The following ARHGAP10 variants were observed in gnomAD, a reference collection of about 807,000 sequenced individuals.
ARHGAP10 encodes Rho GTPase activating protein 10.
In ARHGAP10, 87 loss-of-function variants were observed where a neutral mutation model predicts 108.6. The observed-to-expected ratio is 0.80, with a 90% CI of 0.67 to 0.96. The LOEUF (loss-of-function observed/expected upper bound fraction) is 0.96, where lower values mean the gene tolerates loss of function less well. ARHGAP10 is among the 40% of genes least tolerant of loss of function. The pLI, the probability that ARHGAP10 is intolerant of heterozygous loss-of-function variation, is 0.00. For synonymous variants in ARHGAP10, 347 were observed against 341.1 expected (o/e 1.02, Z -0.19); for missense variants, 939 against 954.5 (o/e 0.98, Z 0.21).
intron 1 of ARHGAP10, among the ~76,000 whole-genome samples, chr4:147,773,764 C>T (rs1369564742): frequency 6.6e-6 from 1 of 152,194 alleles, no homozygotes; most frequent in Non-Finnish European, 1.5e-5. Context: ...GATTCTCTAC[C>T]TTGGTTCTTT....
rs545302843 is a variant in ARHGAP10 at position 148,012,242 on chromosome 4, T to C, written c.1717-11021T>C. Among the ~76,000 whole-genome samples, 4 of 152,348 alleles carry C rather than the reference T, an allele frequency of 2.6e-5. No individual in the cohort carries two copies. In the South Asian group the frequency reaches 6.2e-4, roughly 24 times the overall value. ...CTGGTCCAAGGCCTAAGTGAAGTGA[T>C]ACCCATTGAGAGAACTCTCCCCCTG... is the stretch of plus-strand genomic sequence containing the variant. On this transcript the variant is annotated intron_variant, in intron 18 of 22. Transcript: ENST00000336498.
rs548772428 is a variant in ARHGAP10 at position 148,029,570 on chromosome 4, G to T, written c.1867+6157G>T. 2.0e-5 allele frequency among the ~76,000 whole-genome samples: 3 copies of T among 152,294 alleles called. No homozygotes were observed. In the South Asian group the frequency reaches 6.2e-4, roughly 32 times the overall value. On this transcript the variant is annotated intron_variant, in intron 19 of 22. Coordinates refer to ENST00000336498, the MANE Select transcript of ARHGAP10 (RefSeq NM_024605.4). ...TATAGATGTTTCCTTGTAAACATGT[G>T]ATCAGCTTGATGCAGATTATAATCA...
intron 1 of ARHGAP10, among the ~76,000 whole-genome samples, chr4:147,788,643 T>A (rs1730994509): frequency 1.3e-5 from 2 of 152,174 alleles, no homozygotes; most frequent in Admixed American, 1.3e-4. Flanking sequence ...ACATTTGCGG[T>A]ATTTGGTGTG....
At chr4:147,816,344 T>G (rs565219275) in intron 1 of ARHGAP10, among the ~76,000 whole-genome samples, 1 of 152,230 alleles carries the variant, frequency 6.6e-6, no homozygotes, top group Non-Finnish European at 1.5e-5. Context: ...TGTGCAATAT[T>G]GGCCTTGAGC....
At chr4:147,998,789 CAG>C (rs949473140) in intron 18 of ARHGAP10, among the ~76,000 whole-genome samples, 1 of 152,182 alleles carries the variant, frequency 6.6e-6, no homozygotes, top group African/African-American at 2.4e-5. Flanking sequence ...TTCAATGAAA[CAG>C]AAATTGTAGC....
intron 1 of ARHGAP10, among the ~76,000 whole-genome samples, chr4:147,809,593 G>C (rs971133411): frequency 6.6e-5 from 10 of 152,112 alleles, no homozygotes; most frequent in Non-Finnish European, 1.3e-4. Flanking sequence ...TGGTGACACG[G>C]GTTTGTGAGC....
chr4:147,803,025 T>C (rs1176283054), intron 1 of ARHGAP10, among the ~76,000 whole-genome samples: 1 of 152,080 alleles, frequency 6.6e-6, no homozygotes, highest in Non-Finnish European at 1.5e-5. Flanking sequence ...CTTTTTTTTT[T>C]TGAGATGGAG....
chr4:148,063,000 C>T lies in ARHGAP10; in HGVS notation c.2028-148C>T, dbSNP rs552396196. 8.3e-5 allele frequency: 82 copies of T among 984,040 alleles called. No homozygotes were observed. In the South Asian group the frequency reaches 9.7e-4, roughly 12 times the overall value. 61.0% of individuals were successfully genotyped at this position (984,040 alleles called of 1,614,324 possible). ...TGGTATCCGTAGTTTGGGCTGCAGC[C>T]CCGGCAGGATGCAGAGAGGACTCTG... On this transcript the variant is annotated intron_variant, in intron 20 of 22. Transcript: ENST00000336498.
intron 1 of ARHGAP10, among the ~76,000 whole-genome samples, chr4:147,817,797 T>C (rs541075414): frequency 6.6e-6 from 1 of 152,372 alleles, no homozygotes; most frequent in East Asian, 1.9e-4. Context: ...CACCAATATA[T>C]AACAGCCTTG....
At chr4:147,929,844 T>C (rs2126946864) in intron 13 of ARHGAP10, among the ~76,000 whole-genome samples, 1 of 152,356 alleles carries the variant, frequency 6.6e-6, no homozygotes, top group East Asian at 1.9e-4. Context: ...TTAATATTTT[T>C]ATGTGCATAA....
At chr4:147,766,030 C>T (rs1044945763) in intron 1 of ARHGAP10, among the ~76,000 whole-genome samples, 3 of 152,052 alleles carry the variant, frequency 2.0e-5, no homozygotes, top group Non-Finnish European at 4.4e-5. Flanking sequence ...CCTGTAATCC[C>T]AGCACTTTGG....
intron 1 of ARHGAP10, among the ~76,000 whole-genome samples, chr4:147,742,853 A>G (rs1361782565): frequency 6.6e-6 from 1 of 151,068 alleles, no homozygotes; most frequent in Non-Finnish European, 1.5e-5. Context: ...TCATTTATAC[A>G]TAGGAGAAAT....
At chr4:148,033,707 T>G (rs1446662279) in intron 19 of ARHGAP10, among the ~76,000 whole-genome samples, 1 of 152,196 alleles carries the variant, frequency 6.6e-6, no homozygotes, top group Non-Finnish European at 1.5e-5. Flanking sequence ...GGTATATGTT[T>G]AATATTTTGT....
chr4:147,945,596 G>C (rs1738347071), intron 14 of ARHGAP10, among the ~76,000 whole-genome samples: 1 of 152,114 alleles, frequency 6.6e-6, no homozygotes, highest in Non-Finnish European at 1.5e-5. Flanking sequence ...TGTTTTGGTT[G>C]ATCATATGTT....
intron 18 of ARHGAP10, among the ~76,000 whole-genome samples, chr4:148,011,211 C>T (rs558531187): frequency 6.6e-6 from 1 of 152,308 alleles, no homozygotes; most frequent in South Asian, 2.1e-4. Context: ...TTTATCAGAG[C>T]ATAGCACATC....
chr4:147,820,580 GTTTTTTTTTTTTTTTTT>G (rs57534364), intron 1 of ARHGAP10, among the ~76,000 whole-genome samples: 2 of 49,030 alleles, frequency 4.1e-5, no homozygotes, highest in Non-Finnish European at 7.3e-5. Flanking sequence ...ACCTCGGCCA[GTTTTTTTTTTTTTTTTT>G]TTTTTTTTTT....
chr4:148,046,811 C>A, intron 19 of ARHGAP10, 81 bp from the exon 20 acceptor site: 1 of 1,349,586 alleles, frequency 7.4e-7, no homozygotes, highest in Non-Finnish European at 1.0e-6. Flanking sequence ...ATTGACTAAT[C>A]AAGTAACACC....
intron 16 of ARHGAP10, among the ~76,000 whole-genome samples, chr4:147,963,013 AT>A (rs1336182097): frequency 6.6e-6 from 1 of 152,004 alleles, no homozygotes; most frequent in Non-Finnish European, 1.5e-5. Context: ...TTTCCTCCTA[AT>A]TAGTTCTTTT....
intron 1 of ARHGAP10, among the ~76,000 whole-genome samples, chr4:147,737,003 C>G (rs886590326): frequency 6.6e-6 from 1 of 152,112 alleles, no homozygotes; most frequent in Non-Finnish European, 1.5e-5. Flanking sequence ...TGGCATAGCG[C>G]GCTAACTGAA....
Sources: gnomAD v4.1 joint callset for allele counts (sites outside exome capture counted in the v4.1 genomes callset) on GRCh38, gnomAD v4.1.1 for gene constraint, MANE v1.5 for transcripts, NCBI Gene and HGNC (gene_info 2026-07-23, HGNC 2026-07-21) for gene names.